IL22RA2: variants seen among roughly 807,000 people sequenced by gnomAD.
IL22RA2 encodes interleukin-22 receptor subunit alpha-2.
In IL22RA2, 39 loss-of-function variants were observed where a neutral mutation model predicts 30.7. That is an observed-to-expected ratio of 1.27 (90% CI 0.98 to 1.66). The LOEUF is 1.66. IL22RA2 is among the 40% of genes most tolerant of loss of function. The pLI, the probability that IL22RA2 is intolerant of heterozygous loss-of-function variation, is 0.00. For missense variants in IL22RA2, 315 were observed against 312.7 expected, an observed-to-expected ratio of 1.01 and a Z score of -0.05; for synonymous variants, 103 against 105.0, an observed-to-expected ratio of 0.98 and a Z score of 0.11.
At chr6:137,148,122 C>T (rs572776275) in intron 5 of IL22RA2, among the ~76,000 whole-genome samples, 1 of 152,238 alleles carries the variant, frequency 6.6e-6, no homozygotes, top group East Asian at 1.9e-4. Context: ...AATCTCGAAC[C>T]TTTATAAATG....
chr6:137,154,850 A>G (rs1778365097), intron 5 of IL22RA2, 91 bp downstream of exon 5: 1 of 1,052,338 alleles, frequency 9.5e-7, no homozygotes, highest in Non-Finnish European at 1.5e-6. Context: ...TAGAGACCTC[A>G]GCAAAGCACA....
intron 1 of IL22RA2, among the ~76,000 whole-genome samples, chr6:137,163,940 T>C (rs1425655994): frequency 1.3e-5 from 2 of 152,072 alleles, no homozygotes; most frequent in Admixed American, 6.5e-5. Flanking sequence ...CCTAGGACAC[T>C]GCATACGGCC....
chr6:137,164,266 A>G (rs1582608912), intron 1 of IL22RA2, among the ~76,000 whole-genome samples: 1 of 152,300 alleles, frequency 6.6e-6, no homozygotes, highest in Non-Finnish European at 1.5e-5. Flanking sequence ...GGGACAATAG[A>G]CAGGGAGATA....
chr6:137,166,620 A>T (rs1053486845), intron 1 of IL22RA2, among the ~76,000 whole-genome samples: 1 of 152,158 alleles, frequency 6.6e-6, no homozygotes, highest in Non-Finnish European at 1.5e-5. Context: ...AGAACCCCCT[A>T]ACTACTCCTC....
At chr6:137,151,294 G>C (rs188618487) in intron 5 of IL22RA2, among the ~76,000 whole-genome samples, 1 of 152,308 alleles carries the variant, frequency 6.6e-6, no homozygotes, top group Non-Finnish European at 1.5e-5. Flanking sequence ...TTTTCAACAA[G>C]TGTGCCAAGA....
chr6:137,158,662 C>T (rs550031620), intron 2 of IL22RA2, among the ~76,000 whole-genome samples, 180 bp from the exon 3 acceptor site: 33 of 152,238 alleles, frequency 2.2e-4, no homozygotes, highest in African/African-American at 7.0e-4. Context: ...TTTTGATGCA[C>T]GCTAAAGTCT....
In IL22RA2 at chr6:137,155,763, G is replaced by C. The variant is rs191789092; in HGVS notation, c.294-644C>G. Reference sequence around the variant, plus strand: ...CATTACCTAAAGTGCTGTCTTGCTGGAAGATAAACATCCCTGACGCTTTCT... The same window carrying C: ...CATTACCTAAAGTGCTGTCTTGCTGCAAGATAAACATCCCTGACGCTTTCT... On this transcript the variant is annotated intron_variant, in intron 4 of 6. Transcript: ENST00000296980. Among the ~76,000 whole-genome samples, 697 of 152,228 alleles carry C rather than the reference G, an allele frequency of 4.6e-3. 5 individuals carry two copies. Among genetic ancestry groups the C allele is most frequent in the Middle Eastern group, 0.01 (3 of 294 alleles).
intron 6 of IL22RA2, among the ~76,000 whole-genome samples, chr6:137,146,500 G>A (rs771315461): frequency 2.0e-5 from 3 of 152,098 alleles, no homozygotes; most frequent in African/African-American, 4.8e-5. Flanking sequence ...TAAGGCTGCC[G>A]GCACTCTACG....
At chr6:137,156,676 GA>G in intron 4 of IL22RA2, 82 bp downstream of exon 4, 1 of 1,551,394 alleles carries the variant, frequency 6.4e-7, no homozygotes, top group Admixed American at 1.7e-5. Context: ...TCTGGGGTCT[GA>G]AATTTATACA....
intron 2 of IL22RA2, among the ~76,000 whole-genome samples, chr6:137,161,151 T>C (rs1778513996): frequency 6.6e-6 from 1 of 152,186 alleles, no homozygotes; most frequent in South Asian, 2.1e-4. Context: ...CTCTAAGCAT[T>C]TGGCATATAT....
chr6:137,145,507 T>C lies in IL22RA2; in HGVS notation c.*117A>G, dbSNP rs902857902. 10 of 866,604 alleles carry C rather than the reference T, an allele frequency of 1.2e-5. No individual in the cohort carries two copies. In the Admixed American group the frequency reaches 2.8e-4, roughly 24 times the overall value. The allele number at this position is 866,604 out of a possible 1,614,324, so 53.7% of individuals were successfully genotyped here. A position where few individuals can be genotyped will look rare whatever the true frequency, so the allele number is the denominator to read the frequency against. ...CAAAGAAGTCCCCAAGGTGTAACAG[T>C]GAATATTGCTTTAAGAAAATACAAA... On this transcript the variant is annotated 3_prime_UTR_variant, in exon 7 of 7. Coordinates refer to ENST00000296980, the MANE Select transcript of IL22RA2 (RefSeq NM_052962.3).
chr6:137,161,982 C>T (rs866832449), intron 1 of IL22RA2, among the ~76,000 whole-genome samples, 168 bp from the exon 2 acceptor site: 11 of 152,160 alleles, frequency 7.2e-5, no homozygotes, highest in African/African-American at 2.2e-4. Context: ...TGTGGAAGCT[C>T]GTTTTATTGG....
Position 137,169,192 on chromosome 6 carries a change from T to C in IL22RA2, c.-66+4221A>G, listed in dbSNP as rs182346653. Among the ~76,000 whole-genome samples, 43 of 152,318 alleles carry C rather than the reference T, an allele frequency of 2.8e-4. 1 individual carries two copies. In the Middle Eastern group the frequency reaches 0.02, roughly 72 times the overall value. On this transcript the variant is annotated intron_variant, in intron 1 of 6. Transcript: ENST00000296980. Reference sequence around the variant, plus strand: ...TGGGGCAAGTCCTTTCAGAACCAGATAGGGGAAACAACTTGCCTAGGTCAA... The same window carrying C: ...TGGGGCAAGTCCTTTCAGAACCAGACAGGGGAAACAACTTGCCTAGGTCAA...
chr6:137,156,893 G>T (rs759815525), intron 3 of IL22RA2, 39 bp from the exon 4 acceptor site: 1 of 1,588,258 alleles, frequency 6.3e-7, no homozygotes, highest in African/African-American at 1.3e-5. Context: ...CGTGTGAAGA[G>T]GCCAAACTCA....
At chr6:137,160,163 C>G (rs752732381) in intron 2 of IL22RA2, among the ~76,000 whole-genome samples, 2 of 152,312 alleles carry the variant, frequency 1.3e-5, no homozygotes, top group South Asian at 4.2e-4. Context: ...TTCCTGAAGG[C>G]CTGCCTAGAA....
rs753114147 is a variant in IL22RA2 at position 137,144,755 on chromosome 6, G to A, written c.*869C>T. The A allele has an allele frequency of 2.0e-5, 3 of 152,146 alleles. No individual in the cohort carries two copies. Among genetic ancestry groups the A allele is most frequent in the East Asian group, 1.9e-4 (1 of 5,186 alleles). 9.4% of individuals were successfully genotyped at this position (152,146 alleles called of 1,614,324 possible). On this transcript the variant is annotated 3_prime_UTR_variant, in exon 7 of 7. Coordinates refer to ENST00000296980, the MANE Select transcript of IL22RA2 (RefSeq NM_052962.3). ...CCTCCTATATAGAGATGAGGAAGGC[G>A]CCACAAGCAAGACACTCTTGGCCAG...
intron 2 of IL22RA2, among the ~76,000 whole-genome samples, chr6:137,158,705 C>T (rs137884605): frequency 4.6e-5 from 7 of 152,206 alleles, no homozygotes; most frequent in Admixed American, 6.5e-5. Flanking sequence ...TAAACATGTA[C>T]GTGATACCTT....
At chr6:137,157,516 C>T (rs1445533135) in intron 3 of IL22RA2, among the ~76,000 whole-genome samples, 1 of 152,096 alleles carries the variant, frequency 6.6e-6, no homozygotes, top group Non-Finnish European at 1.5e-5. Flanking sequence ...TGACCTAGGA[C>T]CTACCCCATG....
chr6:137,158,059 A>G (rs780815127), intron 3 of IL22RA2, among the ~76,000 whole-genome samples: 3 of 152,116 alleles, frequency 2.0e-5, no homozygotes, highest in Non-Finnish European at 4.4e-5. Flanking sequence ...ACAAATCTAT[A>G]TTGAGAACCC....
Sources: allele counts gnomAD v4.1 joint callset (sites outside exome capture counted in the v4.1 genomes callset), GRCh38; gene constraint gnomAD v4.1.1; transcripts MANE v1.5; gene names NCBI Gene and HGNC (gene_info 2026-07-23, HGNC 2026-07-21).